ZMYM4: variants seen among roughly 807,000 people sequenced by gnomAD.
ZMYM4 encodes zinc finger MYM-type containing 4, also known as zinc finger MYM-type protein 4.
Under a neutral mutation model 183.2 loss-of-function variants are expected in ZMYM4, and 31 were observed. The ratio of observed to expected loss-of-function variants is 0.17; its 90% confidence interval spans 0.13 to 0.23. The LOEUF (loss-of-function observed/expected upper bound fraction) is 0.23. ZMYM4 is among the 10% of genes least tolerant of loss of function. ZMYM4 has a pLI of 1.00. For missense variants in ZMYM4, 1,273 were observed against 1,840.3 expected (o/e 0.69, Z 5.64); for synonymous variants, 592 against 631.2 (o/e 0.94, Z 0.93).
Position 35,268,879 on chromosome 1 carries a change from G to A in ZMYM4, c.-168G>A, listed in dbSNP as rs1257936777. On this transcript the variant is annotated 5_prime_UTR_variant, in exon 1 of 30. Coordinates refer to ENST00000314607, the MANE Select transcript of ZMYM4 (RefSeq NM_005095.3). ...GACCCGTGGGATCTCAGAAGCTGCGGCCCGGCGCGCGGCATCCGCCCCCTC... is the reference window on the plus strand; with the variant it reads ...GACCCGTGGGATCTCAGAAGCTGCGACCCGGCGCGCGGCATCCGCCCCCTC... 14 of 664,448 alleles carry A rather than the reference G, an allele frequency of 2.1e-5. No homozygotes were observed. Among genetic ancestry groups the A allele is most frequent in the Admixed American group, 4.6e-5 (1 of 21,810 alleles). The allele number at this position is 664,448 out of a possible 1,614,324, so 41.2% of individuals were successfully genotyped here.
chr1:35,307,744 T>C lies in ZMYM4; in HGVS notation c.40-17616T>C, dbSNP rs191646642. 2.9e-3 allele frequency among the ~76,000 whole-genome samples: 433 copies of C among 151,828 alleles called. 4 individuals are homozygous for C. The highest frequency in any genetic ancestry group is 2.1e-3 in the Non-Finnish European group (140 of 67,920). On this transcript the variant is annotated intron_variant, in intron 1 of 29. Transcript: ENST00000314607. ...AGAGACAGGGTTTCACCGTGTTAGC[T>C]AGGATGGTCTCGATCTCCTGACCTT...
intron 2 of ZMYM4, among the ~76,000 whole-genome samples, chr1:35,325,762 G>T (rs991597268): frequency 2.6e-5 from 4 of 151,716 alleles, no homozygotes; most frequent in Non-Finnish European, 4.4e-5. Context: ...GAAATAATTT[G>T]TTTTTTATGA....
chr1:35,332,264 G>T lies in ZMYM4; in HGVS notation c.85+6859G>T, dbSNP rs148491605. On this transcript the variant is annotated intron_variant, in intron 2 of 29. Coordinates refer to ENST00000314607, the MANE Select transcript of ZMYM4 (RefSeq NM_005095.3). ...AGTTTTCCAGAGCCTTCTAAATTAT[G>T]TAAGTTATATTCTGAATTTGCATTC... 3.6e-3 allele frequency among the ~76,000 whole-genome samples: 541 copies of T among 152,246 alleles called. 4 individuals are homozygous for T. The highest frequency in any genetic ancestry group is 0.012 in the African/African-American group (518 of 41,544).
At chr1:35,361,923 A>T in intron 5 of ZMYM4, 134 bp downstream of exon 5, 1 of 1,186,316 alleles carries the variant, frequency 8.4e-7, no homozygotes. Context: ...GGTTGAGGCG[A>T]TTTGAATTAC....
chr1:35,371,905 A>G (rs185736921), intron 7 of ZMYM4, among the ~76,000 whole-genome samples: 5 of 152,334 alleles, frequency 3.3e-5, no homozygotes, highest in African/African-American at 1.2e-4. Flanking sequence ...TTATATATAC[A>G]AATGTAGATT....
rs670937 is a variant in ZMYM4 at position 35,300,274 on chromosome 1, C to T, written c.40-25086C>T. Among the ~76,000 whole-genome samples the T allele has an allele frequency of 7.7e-3, 1,179 of 152,282 alleles. 18 individuals carry two copies. Among genetic ancestry groups the T allele is most frequent in the African/African-American group, 0.025 (1,057 of 41,560 alleles). The stretch of plus-strand genomic sequence containing the variant: ...CCTGCCTCCAGATTCTATTTTCCTG[C>T]CTCAGCATTGCTTCTATGAGTCTAC... On this transcript the variant is annotated intron_variant, in intron 1 of 29. Coordinates refer to ENST00000314607, the MANE Select transcript of ZMYM4 (RefSeq NM_005095.3).
rs556154111 is a variant in ZMYM4 at position 35,372,562 on chromosome 1, T to G, written c.1181+1935T>G. On this transcript the variant is annotated intron_variant, in intron 7 of 29. Coordinates refer to ENST00000314607, the MANE Select transcript of ZMYM4 (RefSeq NM_005095.3). ...GGTAACCAAGGAAAGCATATATTAA[T>G]TAGCTAGATTTAGGCATCGCACAGT... Among the ~76,000 whole-genome samples the G allele has an allele frequency of 2.6e-5, 4 of 152,284 alleles. No homozygotes were observed. In the East Asian group the frequency reaches 5.8e-4, roughly 22 times the overall value.
chr1:35,352,361 C>T (rs1283585316), intron 2 of ZMYM4, among the ~76,000 whole-genome samples: 5 of 143,874 alleles, frequency 3.5e-5, no homozygotes, highest in African/African-American at 1.3e-4. Flanking sequence ...AAGACCTTGT[C>T]TCTACTAATA....
At chr1:35,348,897 A>T (rs1643493927) in intron 2 of ZMYM4, among the ~76,000 whole-genome samples, 1 of 152,250 alleles carries the variant, frequency 6.6e-6, no homozygotes, top group Non-Finnish European at 1.5e-5. Flanking sequence ...GCAAGTCAGT[A>T]AAAACATGGA....
At chr1:35,348,821 G>T (rs1643491402) in intron 2 of ZMYM4, among the ~76,000 whole-genome samples, 1 of 152,142 alleles carries the variant, frequency 6.6e-6, no homozygotes, top group African/African-American at 2.4e-5. Context: ...TTTTACACTA[G>T]TGAAATGTTA....
Position 35,370,378 on chromosome 1 carries a change from A to G in ZMYM4, c.932A>G (p.Gln311Arg), listed in dbSNP as rs1427376640. 2 of 1,398,800 alleles carry G rather than the reference A, an allele frequency of 1.4e-6. No homozygotes were observed. Among genetic ancestry groups the G allele is most frequent in the East Asian group, 2.7e-5 (1 of 37,004 alleles). The allele number at this position is 1,398,800 out of a possible 1,614,324, so 86.6% of individuals were successfully genotyped here. ...FSVSGSPLAP[Q>R]LTTGFQPSLA... is the part of the protein sequence containing the mutation. Reference sequence around the variant, plus strand: ...TTTTTTTTTTTTTTTAAAGCTCCACAGTTGACTACTGGCTTTCAGCCCTCA... The same window carrying G: ...TTTTTTTTTTTTTTTAAAGCTCCACGGTTGACTACTGGCTTTCAGCCCTCA... The change falls in exon 7 of 30, where the codon CAG becomes CGG. Residue 311 changes from glutamine (Q) to arginine (R), a missense_variant. By Grantham distance (43) the Gln-to-Arg change is conservative. This residue lies in a region of ZMYM4 where 384 missense variants were observed against 465.6 expected (regional missense o/e 0.82). Transcript: ENST00000314607.
At chr1:35,310,856 G>T (rs1170960505) in intron 1 of ZMYM4, among the ~76,000 whole-genome samples, 18 of 152,156 alleles carry the variant, frequency 1.2e-4, no homozygotes. Flanking sequence ...AGGATTACAG[G>T]TGTGAGCCAC....
chr1:35,298,258 A>C (rs941885594), intron 1 of ZMYM4, among the ~76,000 whole-genome samples: 7 of 152,152 alleles, frequency 4.6e-5, no homozygotes, highest in Non-Finnish European at 8.8e-5. Context: ...AAATAAAAAT[A>C]TTAGCTGGAC....
At chr1:35,276,198 C>T (rs957304244) in intron 1 of ZMYM4, among the ~76,000 whole-genome samples, 14 of 151,962 alleles carry the variant, frequency 9.2e-5, no homozygotes, top group African/African-American at 3.4e-4. Flanking sequence ...CATTTATAAG[C>T]CAAAAATTAA....
chr1:35,373,544 A>C (rs1438367983), intron 7 of ZMYM4, among the ~76,000 whole-genome samples: 1 of 122,834 alleles, frequency 8.1e-6, no homozygotes, highest in African/African-American at 3.1e-5. Flanking sequence ...TGCACAGCTA[A>C]TTTTTTTTTT....
chr1:35,397,748 A>G (rs941825848), intron 20 of ZMYM4, among the ~76,000 whole-genome samples: 8 of 152,202 alleles, frequency 5.3e-5, no homozygotes, highest in South Asian at 2.1e-4. Context: ...TTGGTATTCA[A>G]TAGTTTTTAG....
intron 1 of ZMYM4, among the ~76,000 whole-genome samples, chr1:35,298,402 C>T (rs1641120081): frequency 6.6e-6 from 1 of 152,082 alleles, no homozygotes; most frequent in African/African-American, 2.4e-5. Context: ...ACAGAGGATA[C>T]TGTGTCTCAA....
intron 23 of ZMYM4, among the ~76,000 whole-genome samples, chr1:35,403,072 A>G (rs1216602695): frequency 6.6e-6 from 1 of 152,192 alleles, no homozygotes; most frequent in African/African-American, 2.4e-5. Flanking sequence ...AGTTTTTTAA[A>G]TCATGATTGG....
chr1:35,408,736 A>G (rs573327244), intron 26 of ZMYM4, among the ~76,000 whole-genome samples: 2 of 151,388 alleles, frequency 1.3e-5, no homozygotes, highest in East Asian at 1.9e-4. Context: ...GAGGAAAAAC[A>G]AAAAAAAAGT....
Sources: allele counts gnomAD v4.1 joint callset (sites outside exome capture counted in the v4.1 genomes callset), GRCh38; gene constraint gnomAD v4.1.1; regional missense constraint gnomAD v4.1.1; transcripts MANE v1.5; gene names NCBI Gene and HGNC (gene_info 2026-07-23, HGNC 2026-07-21).